EFHC2: variants seen among roughly 807,000 people sequenced by gnomAD.
EFHC2 encodes EF-hand domain containing 2, also known as EF-hand domain-containing family member C2.
Under a neutral mutation model 52.7 loss-of-function variants are expected in EFHC2, and 18 were observed. The ratio of observed to expected loss-of-function variants is 0.34; its 90% CI spans 0.24 to 0.51. The LOEUF (loss-of-function observed/expected upper bound fraction) is 0.51, where lower values mean the gene tolerates loss of function less well. Ranked by LOEUF, EFHC2 falls within the 20% of genes least tolerant of loss-of-function variation. EFHC2 has a pLI of 0.97. For synonymous variants in EFHC2, 203 were observed against 204.1 expected, an observed-to-expected ratio of 0.99 and a Z score of 0.04; for missense variants, 513 against 562.5, an observed-to-expected ratio of 0.91 and a Z score of 0.89.
intron 11 of EFHC2, among the ~76,000 whole-genome samples, chrX:44,210,212 T>C (rs1005483648): frequency 9.0e-6 from 1 of 111,331 alleles, no homozygotes; most frequent in African/African-American, 3.3e-5. Context: ...CCAAAATAAA[T>C]GGAGAGACAT....
rs190160262 is a variant in EFHC2 at position 44,220,940 on chromosome X, T to C, written c.1751+8709A>G. Among the ~76,000 whole-genome samples, 38 of 111,855 alleles carry C rather than the reference T, an allele frequency of 3.4e-4. No homozygotes were observed. In the South Asian group the frequency reaches 0.012, roughly 36 times the overall value. On this transcript the variant is annotated intron_variant, in intron 11 of 14. Transcript: ENST00000420999. ...AATGCTGAACCAATTTAAACTCCTA[T>C]CAGTGGAAAATGAGAGTACCTGTTA...
intron 11 of EFHC2, among the ~76,000 whole-genome samples, chrX:44,204,637 G>A (rs1370770259): frequency 8.9e-6 from 1 of 111,845 alleles, no homozygotes; most frequent in South Asian, 3.7e-4. Flanking sequence ...AAGAATTTCA[G>A]AGGTCAAAGA....
intron 2 of EFHC2, among the ~76,000 whole-genome samples, chrX:44,289,683 T>C (rs1209333445): frequency 5.3e-5 from 5 of 93,474 alleles, no homozygotes; most frequent in African/African-American, 1.6e-4. Flanking sequence ...CTTTCTTTTT[T>C]TTTTTTTTTT....
intron 2 of EFHC2, among the ~76,000 whole-genome samples, chrX:44,290,415 T>C (rs768665588): frequency 1.8e-5 from 2 of 111,984 alleles, no homozygotes; most frequent in African/African-American, 6.5e-5. Flanking sequence ...TATTTTTTTC[T>C]GTAGAAAACA....
chrX:44,281,809 G>T (rs1301943297), intron 2 of EFHC2, among the ~76,000 whole-genome samples: 4 of 111,196 alleles, frequency 3.6e-5, no homozygotes, highest in Non-Finnish European at 7.5e-5. Flanking sequence ...AAAGAGAAAT[G>T]GGAAAACAGC....
Position 44,148,893 on chromosome X carries a change from A to G in EFHC2, c.2152T>C (p.Cys718Arg). The stretch of plus-strand genomic sequence containing the variant: ...GGCATACCAAGCCAAACATCTTCAC[A>G]TCTCTAGAAAAAAACCAAAAATGGA... ...LQPASYLKER[C>R]EDVWLGMPSP... The change falls in exon 15 of 15, where the codon TGT becomes CGT. Residue 718 changes from cysteine to arginine, a missense_variant. Physicochemically the swap from Cys to Arg is radical, Grantham distance 180. Transcript: ENST00000420999. 1.7e-6 allele frequency: 2 copies of G among 1,172,424 alleles called. No individual in the cohort carries two copies. The highest frequency in any genetic ancestry group is 3.1e-5 in the East Asian group (1 of 31,827).
chrX:44,233,462 G>A (rs748451344), intron 9 of EFHC2, among the ~76,000 whole-genome samples: 41 of 111,207 alleles, frequency 3.7e-4, no homozygotes, highest in Non-Finnish European at 5.5e-4. Flanking sequence ...TTGACCTCTT[G>A]GAAAGTAGCC....
intron 2 of EFHC2, among the ~76,000 whole-genome samples, chrX:44,294,249 CGT>C (rs200162737): frequency 0.14 from 12,600 of 87,113 alleles, 904 homozygotes; most frequent in East Asian, 0.29. Context: ...GTATACTCAA[CGT>C]GTGTGTGTGT....
chrX:44,318,450 G>A (rs2037996458), intron 1 of EFHC2, among the ~76,000 whole-genome samples: 1 of 111,929 alleles, frequency 8.9e-6, no homozygotes, highest in South Asian at 3.7e-4. Flanking sequence ...TTGAAACAGT[G>A]GGGACAGCTG....
chrX:44,174,438 A>G (rs2036768998), intron 13 of EFHC2, among the ~76,000 whole-genome samples: 1 of 110,766 alleles, frequency 9.0e-6, no homozygotes. Flanking sequence ...TCTTCATTCC[A>G]AGGTAAGGGA....
intron 1 of EFHC2, among the ~76,000 whole-genome samples, chrX:44,338,110 G>A (rs1203093364): frequency 9.0e-6 from 1 of 111,557 alleles, no homozygotes; most frequent in Non-Finnish European, 1.9e-5. Flanking sequence ...TTGCACAACA[G>A]TGTGAATGTA....
intron 2 of EFHC2, among the ~76,000 whole-genome samples, chrX:44,289,370 A>G (rs1166413836): frequency 9.0e-6 from 1 of 111,371 alleles, no homozygotes; most frequent in African/African-American, 3.3e-5. Flanking sequence ...GATAAATTAT[A>G]TAACTGAGAT....
chrX:44,179,244 T>C (rs1013796104), intron 11 of EFHC2, among the ~76,000 whole-genome samples: 1 of 111,270 alleles, frequency 9.0e-6, no homozygotes, highest in African/African-American at 3.3e-5. Context: ...TGAATTGTTT[T>C]CAATGTAACT....
At chrX:44,244,434 T>C (rs2037383756) in intron 7 of EFHC2, among the ~76,000 whole-genome samples, 1 of 112,334 alleles carries the variant, frequency 8.9e-6, no homozygotes, top group Non-Finnish European at 1.9e-5. Context: ...TCAAAAATAT[T>C]CATTGAATAA....
At chrX:44,203,496 G>A (rs1489357361) in intron 11 of EFHC2, among the ~76,000 whole-genome samples, 2 of 111,380 alleles carry the variant, frequency 1.8e-5, no homozygotes, top group Non-Finnish European at 3.8e-5. Context: ...CAAACAGGTC[G>A]TGAGCCCTTG....
Position 44,148,528 on chromosome X carries a change from G to A in EFHC2, c.*267C>T. The A allele has an allele frequency of 4.0e-6, 1 of 247,725 alleles. No individual in the cohort carries two copies. The highest frequency in any genetic ancestry group is 7.0e-6 in the Non-Finnish European group (1 of 142,394). The allele number at this position is 247,725 out of a possible 1,213,427, so 20.4% of individuals were successfully genotyped here. ...AATTATGTTGGATCAAAAATTATCA[G>A]AAGATTTTTTGGTATTAATAAACCA... On this transcript the variant is annotated 3_prime_UTR_variant, in exon 15 of 15. Coordinates refer to ENST00000420999, the MANE Select transcript of EFHC2 (RefSeq NM_025184.4).
chrX:44,306,933 C>T (rs5953382), intron 2 of EFHC2, among the ~76,000 whole-genome samples: 77 of 112,159 alleles, frequency 6.9e-4, no homozygotes, highest in African/African-American at 2.3e-3. Flanking sequence ...GTCTGATGCA[C>T]GAGGGGCTAT....
intron 9 of EFHC2, among the ~76,000 whole-genome samples, chrX:44,234,527 A>G (rs749837314): frequency 9.0e-6 from 1 of 111,447 alleles, no homozygotes; most frequent in East Asian, 2.8e-4. Flanking sequence ...CAGTTTTTAA[A>G]CTCTTGGCTG....
At chrX:44,215,735 T>C (rs2037141666) in intron 11 of EFHC2, among the ~76,000 whole-genome samples, 1 of 111,399 alleles carries the variant, frequency 9.0e-6, no homozygotes, top group Non-Finnish European at 1.9e-5. Flanking sequence ...CACATCTTCT[T>C]TGGATGGAAA....
Sources: allele counts gnomAD v4.1 joint callset (sites outside exome capture counted in the v4.1 genomes callset), GRCh38; gene constraint gnomAD v4.1.1; transcripts MANE v1.5; gene names NCBI Gene and HGNC (gene_info 2026-07-23, HGNC 2026-07-21).